Variants in FSTL4 observed in about 807,000 individuals in gnomAD.
FSTL4 encodes the protein follistatin-related protein 4.
FSTL4 carries 28 observed loss-of-function variants against 78.2 expected under a neutral mutation model. The ratio of observed to expected loss-of-function variants is 0.36; its 90% CI spans 0.27 to 0.49. The LOEUF is 0.49. Ranked by LOEUF, FSTL4 falls within the 20% of genes least tolerant of loss-of-function variation. The pLI is 0.98. For missense variants in FSTL4, 922 were observed against 1,084.9 expected (o/e 0.85, Z 2.11); for synonymous variants, 422 against 440.5 (o/e 0.96, Z 0.53).
At chr5:133,833,844 T>C in the FSTL4 span, among the ~76,000 whole-genome samples, 1 of 152,234 alleles carries the variant, frequency 6.6e-6, no homozygotes, top group Non-Finnish European at 1.5e-5. Context: ...TAAGACTAGA[T>C]ATAATGTCCA....
the FSTL4 span, among the ~76,000 whole-genome samples, chr5:133,794,256 C>T: frequency 2.0e-5 from 3 of 152,238 alleles, no homozygotes; most frequent in African/African-American, 7.2e-5. Flanking sequence ...GTCAGAAATG[C>T]CAGGGGGCCA....
intron 4 of FSTL4, among the ~76,000 whole-genome samples, chr5:133,366,532 A>C (rs1200332076): frequency 6.6e-6 from 1 of 151,982 alleles, no homozygotes; most frequent in East Asian, 1.9e-4. Flanking sequence ...CATGCAATTT[A>C]TTTTTTTAAA....
At chr5:133,235,246 G>A (rs1159756389) in intron 7 of FSTL4, among the ~76,000 whole-genome samples, 1 of 152,138 alleles carries the variant, frequency 6.6e-6, no homozygotes, top group Admixed American at 6.5e-5. Flanking sequence ...TTGGGAGGCC[G>A]AGGCAGGTGG....
intron 3 of FSTL4, among the ~76,000 whole-genome samples, chr5:133,475,365 C>A (rs1487502145): frequency 6.6e-6 from 1 of 152,196 alleles, no homozygotes; most frequent in African/African-American, 2.4e-5. Flanking sequence ...AAGGCGGCGT[C>A]CGACCGTGGG....
Position 133,396,055 on chromosome 5 carries a change from TTAAA to T in FSTL4, c.409+4679_409+4682del, listed in dbSNP as rs764591420. ...CTGGAGGTCAAATTCTAGTCATTCA[TTAAA>T]TAAATATGGAGGGCCAATGTTCTTC... On this transcript the variant is annotated intron_variant, in intron 4 of 15. Coordinates refer to ENST00000265342, the MANE Select transcript of FSTL4 (RefSeq NM_015082.2). 6.6e-5 allele frequency among the ~76,000 whole-genome samples: 10 copies of T among 152,172 alleles called. No homozygotes were observed. The East Asian group carries it at 1.7e-3, about 26-fold the overall frequency.
At chr5:133,728,947 C>T in the FSTL4 span, among the ~76,000 whole-genome samples, 2 of 152,130 alleles carry the variant, frequency 1.3e-5, no homozygotes, top group Non-Finnish European at 2.9e-5. Flanking sequence ...AGGAATAAAT[C>T]GGCCCAAGAA....
chr5:133,548,381 G>A (rs1374116644), intron 3 of FSTL4, among the ~76,000 whole-genome samples: 2 of 152,080 alleles, frequency 1.3e-5, no homozygotes, highest in East Asian at 3.9e-4. Flanking sequence ...ACTCCAGGGG[G>A]TTAGTGGCAG....
At chr5:133,826,179 G>A in the FSTL4 span, among the ~76,000 whole-genome samples, 32 of 152,350 alleles carry the variant, frequency 2.1e-4, no homozygotes, top group Non-Finnish European at 4.0e-4. Context: ...GGCAGCTTGC[G>A]ATGTCACCAG....
At chr5:133,530,791 T>C (rs562104204) in intron 3 of FSTL4, among the ~76,000 whole-genome samples, 8 of 152,116 alleles carry the variant, frequency 5.3e-5, no homozygotes, top group African/African-American at 9.7e-5. Flanking sequence ...AAGAAACCCC[T>C]AACTAAGGGC....
intron 4 of FSTL4, among the ~76,000 whole-genome samples, chr5:133,371,112 G>C (rs1327405318): frequency 1.3e-5 from 2 of 152,218 alleles, no homozygotes; most frequent in East Asian, 3.9e-4. Context: ...GCAGGGATGG[G>C]GCATGGAGGG....
intron 2 of FSTL4, among the ~76,000 whole-genome samples, chr5:133,590,828 G>C (rs1020737496): frequency 6.6e-6 from 1 of 152,172 alleles, no homozygotes; most frequent in African/African-American, 2.4e-5. Context: ...GGAAGTCCAA[G>C]ATTGAGGGGC....
chr5:133,657,148 G>C, the FSTL4 span, among the ~76,000 whole-genome samples: 1 of 152,184 alleles, frequency 6.6e-6, no homozygotes, highest in African/African-American at 2.4e-5. Context: ...GGGTTCAAAA[G>C]AGAGTGATGA....
the FSTL4 span, among the ~76,000 whole-genome samples, chr5:133,765,253 A>G: frequency 1.3e-5 from 2 of 152,248 alleles, no homozygotes; most frequent in African/African-American, 4.8e-5. Context: ...TAAGGTTTCT[A>G]TTTATCATGT....
chr5:133,637,738 G>A, the FSTL4 span, among the ~76,000 whole-genome samples: 2 of 151,678 alleles, frequency 1.3e-5, no homozygotes, highest in African/African-American at 2.4e-5. Context: ...CTCTTCATGG[G>A]TTTTGTCACC....
chr5:133,530,947 A>C (rs823988), intron 3 of FSTL4, among the ~76,000 whole-genome samples: 54,213 of 151,960 alleles, frequency 0.36, 9,887 homozygotes, highest in East Asian at 0.42. Context: ...CCCCAGTGCC[A>C]AATGCTGCGC....
At chr5:133,217,616 T>C (rs1318166053) in intron 12 of FSTL4, among the ~76,000 whole-genome samples, 1 of 152,186 alleles carries the variant, frequency 6.6e-6, no homozygotes, top group African/African-American at 2.4e-5. Flanking sequence ...TCCAGGTTCA[T>C]GTTCTTCTAT....
At chr5:133,573,806 C>T (rs1038832323) in intron 2 of FSTL4, among the ~76,000 whole-genome samples, 2 of 152,102 alleles carry the variant, frequency 1.3e-5, no homozygotes, top group African/African-American at 2.4e-5. Context: ...AAAAATTGGC[C>T]GTATGCTGAG....
chr5:133,567,362 A>G, intron 2 of FSTL4, 143 bp from the exon 3 acceptor site: 7 of 678,936 alleles, frequency 1.0e-5, no homozygotes, highest in South Asian at 8.7e-5. Context: ...ATGTTGGTCT[A>G]CTAAACTCTC....
chr5:133,407,794 A>G (rs1240558080), intron 3 of FSTL4, among the ~76,000 whole-genome samples: 2 of 152,270 alleles, frequency 1.3e-5, no homozygotes, highest in East Asian at 3.8e-4. Flanking sequence ...ATCAAACACC[A>G]AACACAAGTG....
Sources: allele counts gnomAD v4.1 joint callset (sites outside exome capture counted in the v4.1 genomes callset), GRCh38; gene constraint gnomAD v4.1.1; transcripts MANE v1.5; gene names NCBI Gene and HGNC (gene_info 2026-07-23, HGNC 2026-07-21).